Variants in MARCHF4 observed in about 807,000 individuals in gnomAD.
MARCHF4 encodes E3 ubiquitin-protein ligase MARCHF4.
MARCHF4 carries 14 observed loss-of-function variants against 43.9 expected under a neutral mutation model. That is an observed-to-expected ratio of 0.32 (90% confidence interval 0.21 to 0.50). MARCHF4 has a LOEUF of 0.50. Among genes scored for constraint, MARCHF4 ranks in the 20% least tolerant of loss-of-function variants. The pLI is 0.98. For missense variants in MARCHF4, 468 were observed against 536.7 expected, an observed-to-expected ratio of 0.87 and a Z score of 1.27; for synonymous variants, 226 against 213.3, an observed-to-expected ratio of 1.06 and a Z score of -0.52.
chr2:216,324,510 C>A (rs78355831), intron 1 of MARCHF4, among the ~76,000 whole-genome samples: 1 of 151,636 alleles, frequency 6.6e-6, no homozygotes, highest in Non-Finnish European at 1.5e-5. Flanking sequence ...GAGACACAAC[C>A]AAAAAAGAGA....
chr2:216,261,466 T>C (rs925047093), intron 3 of MARCHF4, among the ~76,000 whole-genome samples: 2 of 152,168 alleles, frequency 1.3e-5, no homozygotes, highest in Non-Finnish European at 2.9e-5. Context: ...CAGGATACTG[T>C]CCCCATTTCA....
intron 1 of MARCHF4, among the ~76,000 whole-genome samples, chr2:216,353,294 T>C (rs1486102276): frequency 6.6e-6 from 1 of 152,220 alleles, no homozygotes; most frequent in East Asian, 1.9e-4. Context: ...CTCCCACCCA[T>C]TCTCTTTGAT....
intron 2 of MARCHF4, among the ~76,000 whole-genome samples, chr2:216,281,024 T>C (rs1054134725): frequency 6.7e-6 from 1 of 149,866 alleles, no homozygotes; most frequent in Non-Finnish European, 1.5e-5. Context: ...TGATGCCCCA[T>C]GTGACACAGG....
At chr2:216,321,816 T>C (rs1025605351) in intron 1 of MARCHF4, 2 of 152,262 alleles carry the variant, frequency 1.3e-5, no homozygotes, top group Non-Finnish European at 2.9e-5. Context: ...TTGTCCCATA[T>C]ACTGCATTTG....
At chr2:216,343,750 C>T (rs1692269083) in intron 1 of MARCHF4, among the ~76,000 whole-genome samples, 1 of 152,196 alleles carries the variant, frequency 6.6e-6, no homozygotes. Flanking sequence ...GATATTGCAG[C>T]TCAGAAATGT....
At position 216,259,140 on chromosome 2, in the gene MARCHF4, C is replaced by T; in HGVS notation, c.*172G>A. 1 of 855,974 alleles carries T rather than the reference C, an allele frequency of 1.2e-6. No individual in the cohort carries two copies. Among genetic ancestry groups the T allele is most frequent in the South Asian group, 2.4e-5 (1 of 40,888 alleles). The allele number at this position is 855,974 out of a possible 1,614,324, so 53.0% of individuals were successfully genotyped here. ...AGTGGCATTGACTGATTGGAAATAG[C>T]AGAACTGCTCCTGCACCAGCCTCAC... On this transcript the variant is annotated 3_prime_UTR_variant, in exon 4 of 4. Coordinates refer to ENST00000273067, the MANE Select transcript of MARCHF4 (RefSeq NM_020814.3).
intron 1 of MARCHF4, among the ~76,000 whole-genome samples, chr2:216,327,386 C>T (rs1692012461): frequency 6.6e-6 from 1 of 151,844 alleles, no homozygotes; most frequent in African/African-American, 2.4e-5. Flanking sequence ...TTTTTTTCCC[C>T]TCATCTTAAG....
rs1340962791 is a variant in MARCHF4, at chr2:216,258,607, C to T, written c.*705G>A. The stretch of plus-strand genomic sequence containing the variant: ...AATTAACAAGGGCACAGAAGGACAC[C>T]CTTTTCCAAACCTAAGCCCTCTTTT... On this transcript the variant is annotated 3_prime_UTR_variant, in exon 4 of 4. Transcript: ENST00000273067. The T allele has an allele frequency of 6.6e-6, 1 of 150,428 alleles. No homozygotes were observed. Among genetic ancestry groups the T allele is most frequent in the Non-Finnish European group, 1.5e-5 (1 of 67,808 alleles). 9.3% of individuals were successfully genotyped at this position (150,428 alleles called of 1,614,324 possible). A position where few individuals can be genotyped will look rare whatever the true frequency, so the allele number is the denominator to read the frequency against.
chr2:216,323,237 G>C (rs1379656735), intron 1 of MARCHF4, among the ~76,000 whole-genome samples: 2 of 152,164 alleles, frequency 1.3e-5, no homozygotes, highest in Non-Finnish European at 2.9e-5. Context: ...GAGTGGGTAA[G>C]AATCTGGGCC....
chr2:216,286,173 T>C (rs750581620), intron 1 of MARCHF4, among the ~76,000 whole-genome samples: 2 of 152,158 alleles, frequency 1.3e-5, no homozygotes, highest in South Asian at 2.1e-4. Flanking sequence ...CAGCGAACCA[T>C]TCATTTTCCT....
At chr2:216,309,654 G>A (rs1006949092) in intron 1 of MARCHF4, among the ~76,000 whole-genome samples, 5 of 152,282 alleles carry the variant, frequency 3.3e-5, no homozygotes, top group African/African-American at 1.2e-4. Flanking sequence ...AGTCTGAGCT[G>A]AGTTTATGAG....
At chr2:216,268,241 C>T (rs888177248) in intron 3 of MARCHF4, among the ~76,000 whole-genome samples, 10 of 152,204 alleles carry the variant, frequency 6.6e-5, no homozygotes, top group African/African-American at 2.4e-4. Context: ...GGTTTCACCC[C>T]TCTCATTTAT....
At chr2:216,308,560 G>A (rs994801873) in intron 1 of MARCHF4, among the ~76,000 whole-genome samples, 1 of 152,216 alleles carries the variant, frequency 6.6e-6, no homozygotes, top group Non-Finnish European at 1.5e-5. Context: ...CCTACAGTGT[G>A]CCTGGTACTG....
intron 3 of MARCHF4, among the ~76,000 whole-genome samples, chr2:216,276,366 G>T (rs1207285172): frequency 6.6e-6 from 1 of 152,172 alleles, no homozygotes; most frequent in Non-Finnish European, 1.5e-5. Flanking sequence ...ATGTCAAATT[G>T]TTCCCTGTTC....
chr2:216,287,765 G>A (rs1190522840), intron 1 of MARCHF4, among the ~76,000 whole-genome samples: 1 of 151,004 alleles, frequency 6.6e-6, no homozygotes, highest in Non-Finnish European at 1.5e-5. Flanking sequence ...TTGTGCACAT[G>A]TACCCTAAAA....
chr2:216,348,318 C>T (rs938177296), intron 1 of MARCHF4, among the ~76,000 whole-genome samples: 3 of 152,070 alleles, frequency 2.0e-5, no homozygotes, highest in Admixed American at 6.6e-5. Context: ...GGATTACAGG[C>T]ATGAGCCACC....
intron 2 of MARCHF4, among the ~76,000 whole-genome samples, chr2:216,283,049 C>A (rs1273034028): frequency 5.3e-5 from 8 of 152,178 alleles, no homozygotes; most frequent in Non-Finnish European, 1.0e-4. Context: ...CAATTACATG[C>A]ACATTGATGT....
intron 1 of MARCHF4, among the ~76,000 whole-genome samples, chr2:216,364,573 G>A (rs1692636352): frequency 6.6e-6 from 1 of 152,222 alleles, no homozygotes; most frequent in Non-Finnish European, 1.5e-5. Context: ...TGTCCAGACA[G>A]CCATGAACTT....
At chr2:216,263,065 G>T (rs1690768009) in intron 3 of MARCHF4, among the ~76,000 whole-genome samples, 2 of 152,146 alleles carry the variant, frequency 1.3e-5, no homozygotes, top group Non-Finnish European at 2.9e-5. Context: ...AGGTGCGTGA[G>T]GGTATCTGAG....
Sources: gnomAD v4.1 joint callset for allele counts (sites outside exome capture counted in the v4.1 genomes callset) on GRCh38, gnomAD v4.1.1 for gene constraint, MANE v1.5 for transcripts, NCBI Gene and HGNC (gene_info 2026-07-23, HGNC 2026-07-21) for gene names.